The following DDX27 variants were observed in gnomAD, a reference collection of about 807,000 sequenced individuals.
DDX27 encodes the protein DEAD-box helicase 27.
Under a neutral mutation model 99.3 loss-of-function variants are expected in DDX27, and 42 were observed. The ratio of observed to expected loss-of-function variants is 0.42; its 90% CI spans 0.33 to 0.55. The LOEUF (loss-of-function observed/expected upper bound fraction) is 0.55, where lower values mean the gene tolerates loss of function less well. DDX27 is among the 20% of genes least tolerant of loss of function. The pLI is 0.07. For missense variants in DDX27, 798 were observed against 976.8 expected (o/e 0.82, Z 2.44); for synonymous variants, 329 against 353.8 (o/e 0.93, Z 0.79).
intron 19 of DDX27, 74 bp from the exon 20 acceptor site, chr20:49,243,555 G>A (rs1007524716): frequency 1.5e-6 from 2 of 1,314,516 alleles, no homozygotes; most frequent in African/African-American, 2.9e-5. Flanking sequence ...TGTAGGAGCT[G>A]GGGAGGGTGG....
intron 9 of DDX27, among the ~76,000 whole-genome samples, chr20:49,231,267 T>C (rs904351193): frequency 6.6e-6 from 1 of 152,120 alleles, no homozygotes; most frequent in African/African-American, 2.4e-5. Flanking sequence ...ACAGTATTCA[T>C]GAAGGGGCTA....
rs1487938624 is a variant in DDX27 at position 49,230,362 on chromosome 20, G to A, written c.1031+13G>A. ...ACGAGGCTGACAGGTGCTCCTCACA[G>A]CCTGGGGCCCAGGGCACTGTGGGGT... On this transcript the variant is annotated intron_variant, in intron 9 of 20. Coordinates refer to ENST00000618172, the MANE Select transcript of DDX27 (RefSeq NM_017895.8). The A allele has an allele frequency of 6.2e-7, 1 of 1,601,312 alleles. No individual in the cohort carries two copies. The highest frequency in any genetic ancestry group is 8.5e-7 in the Non-Finnish European group (1 of 1,178,718).
In DDX27 at chr20:49,236,145, T is replaced by C. The variant is rs770605368; in HGVS notation, c.1428-5T>C. 6.2e-7 allele frequency: 1 copy of C among 1,608,186 alleles called. No individual in the cohort carries two copies. The highest frequency in any genetic ancestry group is 1.7e-4 in the Middle Eastern group (1 of 6,026). On this transcript the variant is annotated splice_polypyrimidine_tract_variant and splice_region_variant and intron_variant, in intron 12 of 20. Transcript: ENST00000618172. The surrounding 1 kb of genome is among the most constrained non-coding windows in gnomAD (Gnocchi z 4.1). ...GGATGAACAGCTGTTTGTGACTGTT[T>C]CTAGGCGTTTTAAGGATGAACAGAT...
chr20:49,237,483 T>C (rs6067025), intron 14 of DDX27, among the ~76,000 whole-genome samples: 67,593 of 152,148 alleles, frequency 0.44, 16,456 homozygotes, highest in Middle Eastern at 0.61. Context: ...ATTTTTTTCA[T>C]TTTCATTGTC....
intron 6 of DDX27, among the ~76,000 whole-genome samples, chr20:49,225,549 G>A (rs953465219): frequency 2.2e-5 from 3 of 137,830 alleles, no homozygotes; most frequent in African/African-American, 2.7e-5. Flanking sequence ...TCCACCTCCC[G>A]GGTTCACGCC....
At chr20:49,233,258 A>G in intron 9 of DDX27, 48 bp from the exon 10 acceptor site, 2 of 1,459,510 alleles carry the variant, frequency 1.4e-6, no homozygotes, top group Non-Finnish European at 1.9e-6. Flanking sequence ...CCTCACTGTG[A>G]CCGAAGAGCA....
rs185690603 is a variant in DDX27 at position 49,226,226 on chromosome 20, A to G, written c.601-204A>G. On this transcript the variant is annotated intron_variant, in intron 6 of 20. Coordinates refer to ENST00000618172, the MANE Select transcript of DDX27 (RefSeq NM_017895.8). ...ACCAGACTGTAAGATTCCTGAGGGC[A>G]GGGTTTTTATTTCTTTTATTTACTG... 5.2e-3 allele frequency among the ~76,000 whole-genome samples: 786 copies of G among 152,262 alleles called. 6 individuals carry two copies. The highest frequency in any genetic ancestry group is 7.5e-3 in the Admixed American group (114 of 15,282).
chr20:49,233,634 G>A lies in DDX27; in HGVS notation c.1198G>A (p.Val400Met), dbSNP rs1395214974. The change falls in exon 11 of 21, where the codon GTG becomes ATG. Residue 400 changes from valine (V) to methionine (M), a missense_variant. Coordinates refer to ENST00000618172, the MANE Select transcript of DDX27 (RefSeq NM_017895.8). Reference sequence around the variant, plus strand: ...GATATTTGTGAACAGCAACACAGATGTGGCTCCCTTCCTGCGGCAGGAGTT... The same window carrying A: ...GATATTTGTGAACAGCAACACAGATATGGCTCCCTTCCTGCGGCAGGAGTT... The part of the protein sequence containing the change: ...VRIFVNSNTD[V>M]APFLRQEFIR... 6.2e-7 allele frequency: 1 copy of A among 1,614,124 alleles called. No homozygotes were observed. Among genetic ancestry groups the A allele is most frequent in the Non-Finnish European group, 8.5e-7 (1 of 1,179,972 alleles).
At chr20:49,221,918 C>T (rs1247647073) in intron 2 of DDX27, among the ~76,000 whole-genome samples, 1 of 150,798 alleles carries the variant, frequency 6.6e-6, no homozygotes, top group East Asian at 1.9e-4. Context: ...TGTGCAGTGT[C>T]CCTGGTTCCC....
intron 20 of DDX27, 21 bp downstream of exon 20, chr20:49,243,724 G>A: frequency 6.2e-7 from 1 of 1,614,082 alleles, no homozygotes; most frequent in Non-Finnish European, 8.5e-7. Flanking sequence ...CTGTTTTGGA[G>A]GGGCATAGGT....
At chr20:49,222,299 A>AT (rs1979716463) in intron 2 of DDX27, among the ~76,000 whole-genome samples, 1 of 149,072 alleles carries the variant, frequency 6.7e-6, no homozygotes. Flanking sequence ...CGCCCAGCTA[A>AT]TTTTTTGTAG....
At chr20:49,227,527 C>T (rs1018297266) in intron 7 of DDX27, among the ~76,000 whole-genome samples, 16 of 152,056 alleles carry the variant, frequency 1.1e-4, no homozygotes, top group African/African-American at 2.2e-4. Flanking sequence ...CCACCACACC[C>T]GGCTGATTTT....
In DDX27 at chr20:49,242,714, ATTCTT is replaced by A. The variant is rs953053122; in HGVS notation, c.2204+36_2204+40del. ...TTTAAGTCATCATGGAGCCCTTGGT[ATTCTT>A]TTTTTTTTTTTTTTTTTTTTTGAGA... On this transcript the variant is annotated intron_variant, in intron 19 of 20. Coordinates refer to ENST00000618172, the MANE Select transcript of DDX27 (RefSeq NM_017895.8). 11 of 1,360,734 alleles carry A rather than the reference ATTCTT, an allele frequency of 8.1e-6. No homozygotes were observed. In the African/African-American group the frequency reaches 1.9e-4, roughly 24 times the overall value. The allele number at this position is 1,360,734 out of a possible 1,614,324, so 84.3% of individuals were successfully genotyped here.
In DDX27 at chr20:49,221,582, G is replaced by A. The variant is rs763129675; in HGVS notation, c.224G>A (p.Ser75Asn). 6.2e-7 allele frequency: 1 copy of A among 1,604,456 alleles called. No homozygotes were observed. The highest frequency in any genetic ancestry group is 1.1e-5 in the South Asian group (1 of 89,716). Residue 75 changes from serine (S) to asparagine (N), a missense_variant, in exon 2 of 21, where the codon AGC becomes AAC. By Grantham distance (46) the Ser-to-Asn change is conservative. Transcript: ENST00000618172. ...DGSWALADVM[S>N]QLKKKRAATT... ...AGCTGGGCCCTGGCTGATGTCATGAGCCAACTCAAGAAGAAGGTGAGACTG... is the reference window on the plus strand; with the variant it reads ...AGCTGGGCCCTGGCTGATGTCATGAACCAACTCAAGAAGAAGGTGAGACTG...
chr20:49,233,774 T>C (rs561712325), intron 11 of DDX27, 65 bp downstream of exon 11: 24 of 1,562,304 alleles, frequency 1.5e-5, no homozygotes, highest in African/African-American at 1.3e-4. Context: ...GTAGTATCCA[T>C]GCTGAAGTGC....
intron 9 of DDX27, 91 bp from the exon 10 acceptor site, chr20:49,233,215 C>T (rs942998594): frequency 5.8e-6 from 5 of 856,864 alleles, no homozygotes; most frequent in African/African-American, 1.7e-5. Context: ...TAACCAATGA[C>T]AACAAACAGC....
intron 2 of DDX27, 124 bp downstream of exon 2, chr20:49,221,722 G>T: frequency 1.4e-6 from 1 of 699,958 alleles, no homozygotes; most frequent in South Asian, 3.6e-5. Context: ...CAACTCCTTT[G>T]AAAATAACTG....
intron 4 of DDX27, among the ~76,000 whole-genome samples, chr20:49,224,022 G>C (rs1979785938): frequency 6.6e-6 from 1 of 152,014 alleles, no homozygotes; most frequent in South Asian, 2.1e-4. Flanking sequence ...GGGCCTACAG[G>C]TGCATGCCCC....
intron 9 of DDX27, among the ~76,000 whole-genome samples, chr20:49,230,702 G>A (rs866247514): frequency 6.6e-6 from 1 of 152,230 alleles, no homozygotes; most frequent in Non-Finnish European, 1.5e-5. Flanking sequence ...GAGGGAGGAA[G>A]AGGAAGTGCC....
Sources: allele counts gnomAD v4.1 joint callset (sites outside exome capture counted in the v4.1 genomes callset), GRCh38; gene constraint gnomAD v4.1.1; non-coding constraint Gnocchi (gnomAD v3.1); transcripts MANE v1.5; gene names NCBI Gene and HGNC (gene_info 2026-07-23, HGNC 2026-07-21).